Variants in GTF3C5 observed in about 807,000 individuals in gnomAD.
GTF3C5 encodes the protein general transcription factor 3C polypeptide 5.
A neutral mutation model predicts 61.0 loss-of-function variants in GTF3C5; 47 were observed. The observed-to-expected ratio is 0.77, with a 90% confidence interval of 0.61 to 0.98. The LOEUF is 0.98. GTF3C5 is among the 50% of genes least tolerant of loss of function. The probability of loss-of-function intolerance (pLI) is 0.00; values close to 1 mark genes in which losing one functional copy is unlikely to be tolerated. For synonymous variants in GTF3C5, 295 were observed against 275.4 expected (o/e 1.07, Z -0.71); for missense variants, 659 against 703.3 (o/e 0.94, Z 0.71).
rs756543537 is a variant in GTF3C5 at position 133,056,838 on chromosome 9, C to A, written c.1323C>A (p.Pro441=). 6.2e-7 allele frequency: 1 copy of A among 1,612,316 alleles called. No individual in the cohort carries two copies. ...CAGAACGGGATGGGTGGTGCCTCCC[C>A]AAGACCAGCGACGAGCTCAGGGACA... The part of the protein sequence containing the change: ...SCTERDGWCL[P]KTSDELRDTM... Residue 441 remains proline (P), a synonymous_variant, in exon 10 of 11, where the codon CCC becomes CCA. Coordinates refer to ENST00000372097, the MANE Select transcript of GTF3C5 (RefSeq NM_012087.4).
In GTF3C5 at chr9:133,055,284, C is replaced by T. The variant is rs369602543; in HGVS notation, c.1167+475C>T. The T allele has an allele frequency of 1.5e-3, 2,165 of 1,418,276 alleles. 26 individuals carry two copies. In the South Asian group the frequency reaches 0.018, roughly 11 times the overall value. The allele number at this position is 1,418,276 out of a possible 1,614,324, so 87.9% of individuals were successfully genotyped here. A position where few individuals can be genotyped will look rare whatever the true frequency, so the allele number is the denominator to read the frequency against. On this transcript the variant is annotated intron_variant, in intron 8 of 10. Transcript: ENST00000372097. ...AGCTGTTCCCACATTCAGGCTCCCG[C>T]AAGCCGCTCCACAGCCCTGGGGGAG... is the stretch of plus-strand genomic sequence containing the variant.
intron 5 of GTF3C5, among the ~76,000 whole-genome samples, 165 bp downstream of exon 5, chr9:133,052,329 G>A (rs1166512244): frequency 1.4e-5 from 2 of 145,998 alleles, no homozygotes; most frequent in Non-Finnish European, 3.0e-5. Flanking sequence ...CCCACCCCTG[G>A]CCTGGCCCTC....
At chr9:133,051,124 A>C (rs754212852) in intron 4 of GTF3C5, 146 bp downstream of exon 4, 30 of 587,040 alleles carry the variant, frequency 5.1e-5, no homozygotes, top group Admixed American at 2.2e-4. Flanking sequence ...TCTCACCTTC[A>C]GATGCCATGT....
chr9:133,038,676 C>T (rs1564195838), intron 1 of GTF3C5, among the ~76,000 whole-genome samples: 2 of 151,312 alleles, frequency 1.3e-5, no homozygotes, highest in South Asian at 2.1e-4. Flanking sequence ...AGGCTGGTCT[C>T]GAACTCCTGA....
chr9:133,041,796 C>T (rs1270436030), intron 1 of GTF3C5, among the ~76,000 whole-genome samples: 1 of 152,208 alleles, frequency 6.6e-6, no homozygotes, highest in East Asian at 1.9e-4. Flanking sequence ...GATAGTATCT[C>T]CCCTCAAGTG....
chr9:133,037,586 A>G (rs1353662364), intron 1 of GTF3C5, among the ~76,000 whole-genome samples: 2 of 151,808 alleles, frequency 1.3e-5, no homozygotes, highest in African/African-American at 4.8e-5. Context: ...GGATGAATGT[A>G]TTTTTCTTCA....
chr9:133,058,237 G>A lies in GTF3C5; in HGVS notation c.*257G>A, dbSNP rs1463943645. The A allele has an allele frequency of 1.8e-6, 2 of 1,129,692 alleles. No individual in the cohort carries two copies. The highest frequency in any genetic ancestry group is 1.6e-5 in the African/African-American group (1 of 61,978). The allele number at this position is 1,129,692 out of a possible 1,614,324, so 70.0% of individuals were successfully genotyped here. On this transcript the variant is annotated 3_prime_UTR_variant, in exon 11 of 11. Transcript: ENST00000372097. ...GCTCTGCCACCCATGAACCAGCCCA[G>A]CATCCAGCCAGTGAGTGGGCACCCA...
chr9:133,045,483 G>T (rs1850175225), intron 3 of GTF3C5, among the ~76,000 whole-genome samples: 1 of 152,208 alleles, frequency 6.6e-6, no homozygotes. Flanking sequence ...CTCCCCAGAA[G>T]TAGCGACTTG....
At chr9:133,040,257 C>A (rs1849999657) in intron 1 of GTF3C5, among the ~76,000 whole-genome samples, 1 of 152,192 alleles carries the variant, frequency 6.6e-6, no homozygotes, top group South Asian at 2.1e-4. Flanking sequence ...ACCAAGTCTT[C>A]TTCATTCTCT....
rs755396831 is a variant in GTF3C5 at position 133,044,012 on chromosome 9, G to A, written c.572+86G>A. On this transcript the variant is annotated intron_variant, in intron 3 of 10. Transcript: ENST00000372097. ...GGAGGCTCACACACTGGGCGTGGTG[G>A]TGCACACCTGTAATTCCAGCTACTC... 6.5e-6 allele frequency: 6 copies of A among 924,760 alleles called. No individual in the cohort carries two copies. The African/African-American group carries it at 6.6e-5, about 10-fold the overall frequency. 57.3% of individuals were successfully genotyped at this position (924,760 alleles called of 1,614,324 possible).
intron 2 of GTF3C5, among the ~76,000 whole-genome samples, chr9:133,042,906 G>T (rs1010403811): frequency 2.0e-5 from 3 of 152,214 alleles, no homozygotes; most frequent in African/African-American, 7.2e-5. Context: ...TGTCTGTGCA[G>T]TGCGGGCTAC....
At chr9:133,047,555 CTT>C (rs1048359445) in intron 3 of GTF3C5, among the ~76,000 whole-genome samples, 2 of 151,098 alleles carry the variant, frequency 1.3e-5, no homozygotes, top group Non-Finnish European at 2.9e-5. Context: ...GAATTTCCCT[CTT>C]GTCACCCAGG....
rs376687443 is a variant in GTF3C5, at chr9:133,036,437, G to C, written c.153+5273G>C. ...TTCTTCAGTTAACAAAGCCGTAGCC[G>C]CAATGGATTGAATACATTCAAGCCA... On this transcript the variant is annotated intron_variant, in intron 1 of 10. Coordinates refer to ENST00000372097, the MANE Select transcript of GTF3C5 (RefSeq NM_012087.4). Among the ~76,000 whole-genome samples, 7 of 152,210 alleles carry C rather than the reference G, an allele frequency of 4.6e-5. No homozygotes were observed. In the South Asian group the frequency reaches 1.5e-3, roughly 32 times the overall value.
Position 133,058,137 on chromosome 9 carries a change from C to G in GTF3C5, c.*157C>G. ...CAGCAAAGGGTGCAGCTGACCCTAG[C>G]ACTGGCTGTGACATGCTGCTTGGTG... On this transcript the variant is annotated 3_prime_UTR_variant, in exon 11 of 11. Coordinates refer to ENST00000372097, the MANE Select transcript of GTF3C5 (RefSeq NM_012087.4). The G allele has an allele frequency of 1.4e-6, 2 of 1,467,474 alleles. No individual in the cohort carries two copies. The highest frequency in any genetic ancestry group is 1.8e-6 in the Non-Finnish European group (2 of 1,111,208). 90.9% of individuals were successfully genotyped at this position (1,467,474 alleles called of 1,614,324 possible).
rs34524914 is a variant in GTF3C5, at chr9:133,044,146, C to CAAAAA, written c.572+239_572+243dup. The stretch of plus-strand genomic sequence containing the variant: ...GGTGACAGAGTGAGACTTTGTCTCC[C>CAAAAA]AAAAAAAAAAAAAAAAAAAAAAAGA... On this transcript the variant is annotated intron_variant, in intron 3 of 10. Coordinates refer to ENST00000372097, the MANE Select transcript of GTF3C5 (RefSeq NM_012087.4). 7.2e-4 allele frequency: 78 copies of CAAAAA among 108,404 alleles called. 3 individuals are homozygous for CAAAAA. Among genetic ancestry groups the CAAAAA allele is most frequent in the East Asian group, 1.2e-3 (4 of 3,284 alleles). The allele number at this position is 108,404 out of a possible 1,614,324, so 6.7% of individuals were successfully genotyped here.
intron 1 of GTF3C5, 128 bp downstream of exon 1, chr9:133,031,292 C>T (rs566230973): frequency 4.1e-4 from 300 of 738,108 alleles, no homozygotes; most frequent in Non-Finnish European, 6.3e-4. Flanking sequence ...GCTCGCTCTT[C>T]TGGCCGCTGC....
intron 8 of GTF3C5, chr9:133,055,259 A>G (rs1223192873): frequency 5.5e-6 from 8 of 1,460,648 alleles, no homozygotes; most frequent in Non-Finnish European, 7.3e-6. Context: ...CGGTTTCCAG[A>G]GCTGTTCCCA....
intron 1 of GTF3C5, among the ~76,000 whole-genome samples, chr9:133,037,524 G>C (rs983346310): frequency 3.5e-5 from 5 of 142,350 alleles, no homozygotes; most frequent in Non-Finnish European, 7.8e-5. Context: ...ATGTATGGTG[G>C]GGGGGTGGGA....
chr9:133,040,576 C>G (rs962989497), intron 1 of GTF3C5, among the ~76,000 whole-genome samples: 2 of 152,156 alleles, frequency 1.3e-5, no homozygotes, highest in African/African-American at 4.8e-5. Context: ...TGTTGGTATT[C>G]AGTTTCATGT....
Sources: allele counts gnomAD v4.1 joint callset (sites outside exome capture counted in the v4.1 genomes callset), GRCh38; gene constraint gnomAD v4.1.1; transcripts MANE v1.5; gene names NCBI Gene and HGNC (gene_info 2026-07-23, HGNC 2026-07-21).